Variants in SRD5A1 observed in about 807,000 individuals in gnomAD.
SRD5A1 encodes the protein steroid 5 alpha-reductase 1.
In SRD5A1, 22 loss-of-function variants were observed where a neutral mutation model predicts 28.2. The ratio of observed to expected loss-of-function variants is 0.78; its 90% CI spans 0.56 to 1.12. SRD5A1 has a LOEUF of 1.12. Ranked by LOEUF, SRD5A1 falls within the 50% of genes most tolerant of loss-of-function variation. The probability of loss-of-function intolerance (pLI) is 0.00; values close to 1 mark genes in which losing one functional copy is unlikely to be tolerated. For synonymous variants in SRD5A1, 151 were observed against 135.0 expected (o/e 1.12, Z -0.82); for missense variants, 300 against 346.7 (o/e 0.87, Z 1.07).
At chr5:6,643,608 C>G (rs1738424844) in intron 1 of SRD5A1, among the ~76,000 whole-genome samples, 3 of 152,124 alleles carry the variant, frequency 2.0e-5, no homozygotes, top group Admixed American at 6.5e-5. Flanking sequence ...CTTAAATAGA[C>G]TGTTGAGGGT....
intron 1 of SRD5A1, among the ~76,000 whole-genome samples, chr5:6,634,730 C>G (rs1738126498): frequency 6.6e-6 from 1 of 152,216 alleles, no homozygotes; most frequent in Non-Finnish European, 1.5e-5. Flanking sequence ...ACTTCTAAAT[C>G]TTTCAAGGTT....
chr5:6,655,833 T>A (rs774091307), intron 2 of SRD5A1, among the ~76,000 whole-genome samples: 28 of 152,334 alleles, frequency 1.8e-4, no homozygotes, highest in Admixed American at 5.2e-4. Context: ...AGATGTAGAT[T>A]GTGATGAACA....
chr5:6,668,006 C>T (rs563091782), intron 4 of SRD5A1, among the ~76,000 whole-genome samples, 196 bp from the exon 5 acceptor site: 19 of 152,352 alleles, frequency 1.2e-4, no homozygotes, highest in South Asian at 6.2e-4. Flanking sequence ...TTCTGAATCA[C>T]ACTTTATGAT....
In SRD5A1 at chr5:6,662,964, T is replaced by G; in HGVS notation, c.711T>G (p.His237Gln). Residue 237 changes from histidine (H) to glutamine (Q), a missense_variant and splice_region_variant, in exon 4 of 5, where the codon CAT becomes CAG. Physicochemically the swap from His to Gln is conservative, Grantham distance 24 (BLOSUM62 0). Around this residue, in one of 2 missense-constraint regions of SRD5A1, gnomAD observed 126 missense variants for 185.7 expected, o/e 0.68. Coordinates refer to ENST00000274192, the MANE Select transcript of SRD5A1 (RefSeq NM_001047.4). ...CFLSGRAKEHHEWYLRKFEEY... is the reference protein window; with the variant it reads ...CFLSGRAKEHQEWYLRKFEEY... ...TATCTGGTAGAGCAAAAGAGCATCA[T>G]GAGTAAGTTTTAAAACACTTTTACC... 1 of 1,614,112 alleles carries G rather than the reference T, an allele frequency of 6.2e-7. No individual in the cohort carries two copies. Among genetic ancestry groups the G allele is most frequent in the African/African-American group, 1.3e-5 (1 of 75,064 alleles).
At chr5:6,640,891 C>T (rs536036137) in intron 1 of SRD5A1, among the ~76,000 whole-genome samples, 1 of 152,352 alleles carries the variant, frequency 6.6e-6, no homozygotes, top group East Asian at 1.9e-4. Flanking sequence ...CATAGTTTCT[C>T]TTAAAAATGG....
intron 3 of SRD5A1, among the ~76,000 whole-genome samples, chr5:6,660,290 A>G (rs943867187): frequency 6.6e-6 from 1 of 152,210 alleles, no homozygotes; most frequent in Non-Finnish European, 1.5e-5. Context: ...CAGTCCACCC[A>G]TACGGTTCCA....
At chr5:6,642,179 T>A (rs898379619) in intron 1 of SRD5A1, among the ~76,000 whole-genome samples, 19 of 151,762 alleles carry the variant, frequency 1.3e-4, no homozygotes, top group Middle Eastern at 3.4e-3. Context: ...TCAAAGTTAG[T>A]GTTTCCTATT....
chr5:6,657,385 C>T (rs2126544696), intron 3 of SRD5A1, among the ~76,000 whole-genome samples: 1 of 152,342 alleles, frequency 6.6e-6, no homozygotes, highest in Non-Finnish European at 1.5e-5. Context: ...AAACTGCACC[C>T]TCATGGGGTC....
intron 1 of SRD5A1, among the ~76,000 whole-genome samples, chr5:6,634,251 C>A (rs970515373): frequency 2.0e-5 from 3 of 152,226 alleles, no homozygotes; most frequent in African/African-American, 7.2e-5. Context: ...CGCTTGAACC[C>A]GAGAGGCGGA....
intron 3 of SRD5A1, among the ~76,000 whole-genome samples, chr5:6,658,250 G>A (rs1738890444): frequency 1.3e-5 from 2 of 152,128 alleles, no homozygotes; most frequent in South Asian, 4.1e-4. Flanking sequence ...ACTTGAGTCT[G>A]GGAGGCAGAG....
At position 6,663,029 on chromosome 5, in the gene SRD5A1, C is replaced by T. The variant is rs1285696128; in HGVS notation, c.713+63C>T. 5 of 1,577,148 alleles carry T rather than the reference C, an allele frequency of 3.2e-6. No individual in the cohort carries two copies. In the Admixed American group the frequency reaches 7.0e-5, roughly 22 times the overall value. ...CTTTGACTATATTATTACCATTTTT[C>T]AGGCTAGATTTTTGAAGTGTTAATT... is the stretch of plus-strand genomic sequence containing the variant. On this transcript the variant is annotated intron_variant, in intron 4 of 4. Transcript: ENST00000274192.
rs1209007431 is a variant in SRD5A1 at position 6,633,610 on chromosome 5, C to T, written c.34C>T (p.Leu12=). The part of the protein sequence containing the change: ...ATATGVAEER[L]LAALAYLQCA... ...GGCGACGGGGGTGGCGGAGGAGCGC[C>T]TGCTGGCCGCGCTCGCCTACCTGCA... The change falls in exon 1 of 5, where the codon CTG becomes TTG. Residue 12 remains leucine, a synonymous_variant. Coordinates refer to ENST00000274192, the MANE Select transcript of SRD5A1 (RefSeq NM_001047.4). 6.5e-7 allele frequency: 1 copy of T among 1,527,078 alleles called. No individual in the cohort carries two copies. The highest frequency in any genetic ancestry group is 8.7e-7 in the Non-Finnish European group (1 of 1,144,760). 94.6% of individuals were successfully genotyped at this position (1,527,078 alleles called of 1,614,324 possible).
At chr5:6,634,202 CTG>C (rs1263876555) in intron 1 of SRD5A1, among the ~76,000 whole-genome samples, 1 of 152,172 alleles carries the variant, frequency 6.6e-6, no homozygotes, top group African/African-American at 2.4e-5. Flanking sequence ...TGGCGCCTGT[CTG>C]TGATCCCAGT....
chr5:6,652,005 A>G lies in SRD5A1; in HGVS notation c.457A>G (p.Ile153Val), dbSNP rs201816903. The change falls in exon 2 of 5, where the codon ATA becomes GTA. Residue 153 changes from isoleucine (I) to valine (V), a missense_variant. Around this residue, in one of 2 missense-constraint regions of SRD5A1, gnomAD observed 126 missense variants for 185.7 expected, o/e 0.68. Transcript: ENST00000274192. ...DDWVTDPRFL[I>V]GFGLWLTGML... ...CTGGGTAACAGATCCCCGTTTTCTA[A>G]TAGGTGAGTGTCCACAGCAGTGAAC... 204 of 1,612,828 alleles carry G rather than the reference A, an allele frequency of 1.3e-4. No individual in the cohort carries two copies. Among genetic ancestry groups the G allele is most frequent in the Admixed American group, 7.2e-4 (43 of 59,932 alleles).
chr5:6,666,119 G>A (rs1436697487), intron 4 of SRD5A1, among the ~76,000 whole-genome samples: 1 of 151,644 alleles, frequency 6.6e-6, no homozygotes, highest in Non-Finnish European at 1.5e-5. Context: ...AAGAAAACAT[G>A]CCAAGGATCT....
Position 6,668,363 on chromosome 5 carries a change from CT to C in SRD5A1, c.*96del. ...AAGTTATATCTTTGTAATTTTCCTG[CT>C]ACTTTATCATTTTCAAGATGTCCTC... On this transcript the variant is annotated 3_prime_UTR_variant, in exon 5 of 5. Transcript: ENST00000274192. 1 of 779,404 alleles carries C rather than the reference CT, an allele frequency of 1.3e-6. No individual in the cohort carries two copies. Among genetic ancestry groups the C allele is most frequent in the South Asian group, 2.2e-5 (1 of 45,710 alleles). The allele number at this position is 779,404 out of a possible 1,614,324, so 48.3% of individuals were successfully genotyped here. A position where few individuals can be genotyped will look rare whatever the true frequency, so the allele number is the denominator to read the frequency against.
intron 1 of SRD5A1, chr5:6,645,419 C>T (rs902832651): frequency 6.1e-6 from 1 of 164,672 alleles, no homozygotes; most frequent in Non-Finnish European, 1.3e-5. Flanking sequence ...GCAGGTGGAT[C>T]ACCTGAGGTC....
At chr5:6,647,666 C>T (rs1270427916) in intron 1 of SRD5A1, among the ~76,000 whole-genome samples, 1 of 152,162 alleles carries the variant, frequency 6.6e-6, no homozygotes, top group African/African-American at 2.4e-5. Flanking sequence ...TGTGTCTTTG[C>T]ACGTGAGATG....
At chr5:6,649,843 C>T (rs1738619899) in intron 1 of SRD5A1, among the ~76,000 whole-genome samples, 1 of 152,168 alleles carries the variant, frequency 6.6e-6, no homozygotes, top group South Asian at 2.1e-4. Flanking sequence ...CTGTGTCGAT[C>T]TCGCTGGGAG....
Sources: allele counts gnomAD v4.1 joint callset (sites outside exome capture counted in the v4.1 genomes callset), GRCh38; gene constraint gnomAD v4.1.1; regional missense constraint gnomAD v4.1.1; transcripts MANE v1.5; gene names NCBI Gene and HGNC (gene_info 2026-07-23, HGNC 2026-07-21).